SPMAP2: variants seen among roughly 807,000 people sequenced by gnomAD.
SPMAP2 encodes Theg homolog.
At chr19:363,044 G>T in the SPMAP2 span, among the ~76,000 whole-genome samples, 12,901 of 152,184 alleles carry the variant, frequency 0.085, 639 homozygotes, top group Middle Eastern at 0.15. Flanking sequence ...TAGGTGCCAG[G>T]GGCTGGGAGA....
the SPMAP2 span, among the ~76,000 whole-genome samples, chr19:364,177 C>G: frequency 6.9e-6 from 1 of 145,344 alleles, no homozygotes; most frequent in African/African-American, 2.5e-5. Flanking sequence ...ACTAAAAATA[C>G]AAAAAAAAAA....
At chr19:364,528 A>G in the SPMAP2 span, among the ~76,000 whole-genome samples, 1 of 151,648 alleles carries the variant, frequency 6.6e-6, no homozygotes, top group Non-Finnish European at 1.5e-5. Context: ...AAAAAAAAAA[A>G]TGGCCACAGG....
At chr19:373,962 T>C in the SPMAP2 span, 3 of 1,613,534 alleles carry the variant, frequency 1.9e-6, no homozygotes, top group Non-Finnish European at 2.5e-6. Flanking sequence ...AAGTGCAAGC[T>C]CATCTTACAT....
At chr19:362,161 G>T in the SPMAP2 span, 1 of 1,428,338 alleles carries the variant, frequency 7.0e-7, no homozygotes, top group South Asian at 1.7e-5. Flanking sequence ...ACATACACAG[G>T]GTTAGGGTGC....
At chr19:373,810 C>A in the SPMAP2 span, 2 of 900,172 alleles carry the variant, frequency 2.2e-6, no homozygotes. Context: ...GGGTGGAGAG[C>A]CCCACATCTG....
the SPMAP2 span, among the ~76,000 whole-genome samples, chr19:370,372 C>T: frequency 6.7e-6 from 1 of 150,222 alleles, no homozygotes; most frequent in Non-Finnish European, 1.5e-5. Context: ...GGCGGAGTCT[C>T]GCTCTGTCGC....
the SPMAP2 span, among the ~76,000 whole-genome samples, chr19:368,964 G>A: frequency 6.6e-6 from 1 of 152,184 alleles, no homozygotes; most frequent in African/African-American, 2.4e-5. The surrounding 1 kb of genome is among the most constrained non-coding windows in gnomAD (Gnocchi z 4.1). Flanking sequence ...GCAGAAAGCC[G>A]TTGCTCAGAC....
the SPMAP2 span, among the ~76,000 whole-genome samples, chr19:364,302 G>A: frequency 0.075 from 10,529 of 139,816 alleles, 558 homozygotes; most frequent in African/African-American, 0.15. Context: ...GCGCCACTGC[G>A]CTCCAGCCTG....
the SPMAP2 span, chr19:362,366 T>A: frequency 1.9e-6 from 3 of 1,607,888 alleles, no homozygotes; most frequent in Admixed American, 5.1e-5. Context: ...CTTGGTGACA[T>A]CCAGCACCTC....
the SPMAP2 span, among the ~76,000 whole-genome samples, chr19:372,285 C>T: frequency 6.6e-6 from 1 of 152,246 alleles, no homozygotes; most frequent in Non-Finnish European, 1.5e-5. Context: ...ACTAATGTGT[C>T]TTAGAATTTC....
the SPMAP2 span, chr19:375,820 C>T: frequency 1.2e-6 from 2 of 1,607,906 alleles, no homozygotes; most frequent in South Asian, 1.1e-5. Context: ...TCTGCATTGT[C>T]CAGGTCCTGG....
the SPMAP2 span, chr19:373,433 G>T: frequency 5.6e-5 from 90 of 1,604,776 alleles, 2 homozygotes; most frequent in African/African-American, 9.4e-4. Context: ...GCCGGCAGCC[G>T]GGGGCAGGGG....
the SPMAP2 span, chr19:371,424 C>T: frequency 9.5e-6 from 5 of 526,888 alleles, no homozygotes; most frequent in Non-Finnish European, 1.6e-5. Flanking sequence ...GTCTGTCTTT[C>T]CCAGCTCCTC....
At chr19:362,390 C>T in the SPMAP2 span, 50 of 1,608,066 alleles carry the variant, frequency 3.1e-5, no homozygotes, top group South Asian at 5.6e-5. Context: ...GCGAGGATCT[C>T]GGTCAGGAAC....
chr19:375,837 G>A, the SPMAP2 span: 2 of 1,604,506 alleles, frequency 1.2e-6, no homozygotes, highest in Non-Finnish European at 1.7e-6. Context: ...CTGGCGTTCG[G>A]GGTCTGTGAC....
At chr19:368,897 C>G in the SPMAP2 span, among the ~76,000 whole-genome samples, 1 of 152,194 alleles carries the variant, frequency 6.6e-6, no homozygotes, top group Non-Finnish European at 1.5e-5. The surrounding 1 kb of genome is among the most constrained non-coding windows in gnomAD (Gnocchi z 4.1). Flanking sequence ...CATTTCAGTC[C>G]TGCTTTCAAG....
At chr19:371,259 C>T in the SPMAP2 span, 2 of 1,520,944 alleles carry the variant, frequency 1.3e-6, no homozygotes, top group East Asian at 2.5e-5. Context: ...CGGCCAGTTC[C>T]TTCAGGCGAC....
chr19:371,004 G>A, the SPMAP2 span, among the ~76,000 whole-genome samples: 20 of 152,290 alleles, frequency 1.3e-4, no homozygotes, highest in African/African-American at 3.4e-4. Context: ...GGATCCACCC[G>A]GACTGAAGCG....
chr19:374,495 G>A, the SPMAP2 span: 38 of 1,592,474 alleles, frequency 2.4e-5, no homozygotes, highest in Non-Finnish European at 3.1e-5. Flanking sequence ...GAGAAGCGTG[G>A]GTCTTGCTCA....
Sources: gnomAD v4.1 joint callset for allele counts (sites outside exome capture counted in the v4.1 genomes callset) on GRCh38, gnomAD v4.1.1 for gene constraint, Gnocchi (gnomAD v3.1) non-coding constraint, MANE v1.5 for transcripts, NCBI Gene and HGNC (gene_info 2026-07-23, HGNC 2026-07-21) for gene names.